The following ANK3 variants were observed in gnomAD, a reference collection of about 807,000 sequenced individuals.
ANK3 encodes the protein ankyrin 3.
In ANK3, 57 loss-of-function variants were observed where a neutral mutation model predicts 370.9. That is an observed-to-expected ratio of 0.15 (90% CI 0.12 to 0.19). ANK3 has a LOEUF of 0.19. ANK3 is among the 10% of genes least tolerant of loss of function. The pLI, the probability that ANK3 is intolerant of heterozygous loss-of-function variation, is 1.00. For missense variants in ANK3, 4,439 were observed against 5,302.1 expected, an observed-to-expected ratio of 0.84 and a Z score of 5.06; for synonymous variants, 1,929 against 1,946.3, an observed-to-expected ratio of 0.99 and a Z score of 0.23.
At chr10:60,265,271 C>T (rs1035479034) in intron 5 of ANK3, among the ~76,000 whole-genome samples, 6 of 152,176 alleles carry the variant, frequency 3.9e-5, no homozygotes, top group African/African-American at 1.4e-4. Context: ...ACTCCCAGTT[C>T]CTAGCCTCTG....
intron 1 of ANK3, among the ~76,000 whole-genome samples, chr10:60,722,458 A>G (rs1320734040): frequency 6.6e-6 from 1 of 152,132 alleles, no homozygotes; most frequent in Admixed American, 6.5e-5. Flanking sequence ...TAAAAAAATT[A>G]AAAATTAAAA....
At chr10:60,293,740 G>T (rs567617030) in intron 1 of ANK3, among the ~76,000 whole-genome samples, 6 of 152,286 alleles carry the variant, frequency 3.9e-5, no homozygotes, top group Non-Finnish European at 7.4e-5. Flanking sequence ...AGTCTGCGGA[G>T]ATCCTTGTTT....
intron 1 of ANK3, among the ~76,000 whole-genome samples, chr10:60,669,901 T>C (rs1046460822): frequency 5.3e-5 from 8 of 152,156 alleles, no homozygotes; most frequent in Non-Finnish European, 1.2e-4. Context: ...GAGCTCACTG[T>C]AGCCTTGACC....
intron 17 of ANK3, among the ~76,000 whole-genome samples, chr10:60,185,623 T>C (rs1447743236): frequency 1.3e-5 from 2 of 152,208 alleles, no homozygotes; most frequent in Non-Finnish European, 1.5e-5. Flanking sequence ...GAGCTAGGCC[T>C]GAGAAATATC....
intron 1 of ANK3, among the ~76,000 whole-genome samples, chr10:60,334,670 T>C (rs1218039989): frequency 1.3e-5 from 2 of 152,178 alleles, no homozygotes; most frequent in Non-Finnish European, 2.9e-5. Flanking sequence ...AAGTCTTTTA[T>C]GATGCAGTAA....
At chr10:60,495,987 T>C (rs1162854152) in intron 2 of ANK3, among the ~76,000 whole-genome samples, 15 of 152,124 alleles carry the variant, frequency 9.9e-5, no homozygotes, top group Admixed American at 9.2e-4. Flanking sequence ...TTTTCTTTTT[T>C]TTTTTTCTCT....
intron 1 of ANK3, among the ~76,000 whole-genome samples, chr10:60,731,381 A>G (rs2080019871): frequency 6.6e-6 from 1 of 152,212 alleles, no homozygotes; most frequent in Admixed American, 6.5e-5. Context: ...AAGGATCTTG[A>G]GCTACAATAT....
chr10:60,710,715 A>G (rs1173974826), intron 1 of ANK3, among the ~76,000 whole-genome samples: 1 of 152,206 alleles, frequency 6.6e-6, no homozygotes, highest in Admixed American at 6.5e-5. Flanking sequence ...TAGCTCATGC[A>G]ATTATGGAAG....
chr10:60,451,896 C>T (rs1220952056), intron 2 of ANK3, among the ~76,000 whole-genome samples: 1 of 152,120 alleles, frequency 6.6e-6, no homozygotes, highest in Non-Finnish European at 1.5e-5. Flanking sequence ...CAAGGGTTTC[C>T]ACTGTCTTCA....
Position 60,208,159 on chromosome 10 carries a change from A to G in ANK3, c.1071T>C (p.Asn357=). 1.2e-6 allele frequency: 2 copies of G among 1,614,100 alleles called. No homozygotes were observed. Among genetic ancestry groups the G allele is most frequent in the Non-Finnish European group, 1.7e-6 (2 of 1,179,986 alleles). The change falls in exon 10 of 44, where the codon AAT becomes AAC. Residue 357 remains asparagine, a synonymous_variant. Transcript: ENST00000280772. The part of the protein sequence containing the change: ...LNCVQLLLQH[N]VPVDDVTNDY... ...CATTGGTGACATCATCCACGGGTAC[A>G]TTATGCTGGAGGAGAAGCTGGACGC...
At chr10:60,089,571 G>T (rs931002140) in intron 28 of ANK3, among the ~76,000 whole-genome samples, 1 of 151,526 alleles carries the variant, frequency 6.6e-6, no homozygotes, top group African/African-American at 2.4e-5. Context: ...TGGAATAAAT[G>T]ATTAAAAATT....
chr10:60,288,053 T>C (rs1418915648), intron 1 of ANK3, among the ~76,000 whole-genome samples: 1 of 152,166 alleles, frequency 6.6e-6, no homozygotes, highest in Non-Finnish European at 1.5e-5. Flanking sequence ...GAATCAACAC[T>C]AATCTTGAAA....
chr10:60,236,119 A>T lies in ANK3; in HGVS notation c.799-1333T>A, dbSNP rs144286926. On this transcript the variant is annotated intron_variant, in intron 7 of 43. Transcript: ENST00000280772. ...CCTGGTTCAGTAAACATCAACCTTT[A>T]GCCAATATTATTTCTTTTATGCTCC... is the stretch of plus-strand genomic sequence containing the variant. Among the ~76,000 whole-genome samples the T allele has an allele frequency of 2.7e-3, 418 of 152,288 alleles. 1 individual carries two copies. Among genetic ancestry groups the T allele is most frequent in the African/African-American group, 9.7e-3 (403 of 41,568 alleles).
At chr10:60,504,210 C>T (rs1380230926) in intron 2 of ANK3, among the ~76,000 whole-genome samples, 2 of 152,060 alleles carry the variant, frequency 1.3e-5, no homozygotes, top group Admixed American at 1.3e-4. Context: ...GACATCAAAG[C>T]TCCAAATAGT....
intron 7 of ANK3, among the ~76,000 whole-genome samples, chr10:60,252,416 A>C (rs2097682989): frequency 6.6e-6 from 1 of 152,202 alleles, no homozygotes; most frequent in African/African-American, 2.4e-5. Context: ...GGGGAAATAA[A>C]AATTCTACAG....
intron 2 of ANK3, among the ~76,000 whole-genome samples, chr10:60,469,778 A>G (rs1567068580): frequency 6.7e-6 from 1 of 149,610 alleles, no homozygotes; most frequent in Non-Finnish European, 1.5e-5. Context: ...AACTTTTACT[A>G]ACATTAAAGA....
intron 2 of ANK3, among the ~76,000 whole-genome samples, chr10:60,534,651 C>G (rs913593977): frequency 6.6e-6 from 1 of 152,100 alleles, no homozygotes; most frequent in African/African-American, 2.4e-5. Context: ...TTCTCAGAAG[C>G]TTGTCAGTTC....
At chr10:60,189,658 C>CAAAA (rs1163026728) in intron 16 of ANK3, among the ~76,000 whole-genome samples, 1 of 152,136 alleles carries the variant, frequency 6.6e-6, no homozygotes, top group Non-Finnish European at 1.5e-5. Context: ...AAATGATTCT[C>CAAAA]ACTTGCCATA....
intron 5 of ANK3, among the ~76,000 whole-genome samples, chr10:60,267,307 T>C (rs917951643): frequency 7.9e-5 from 12 of 152,216 alleles, no homozygotes; most frequent in African/African-American, 2.4e-4. Flanking sequence ...AAATGTCTTA[T>C]TTCCTGTTGT....
Sources: gnomAD v4.1 joint callset for allele counts (sites outside exome capture counted in the v4.1 genomes callset) on GRCh38, gnomAD v4.1.1 for gene constraint, MANE v1.5 for transcripts, NCBI Gene and HGNC (gene_info 2026-07-23, HGNC 2026-07-21) for gene names.